POPDC1: variants seen among roughly 807,000 people sequenced by gnomAD.
The protein encoded by POPDC1 is popeye domain-containing protein 1.
At chr6:105,128,566 T>C in the POPDC1 span, among the ~76,000 whole-genome samples, 1 of 152,204 alleles carries the variant, frequency 6.6e-6, no homozygotes, top group Non-Finnish European at 1.5e-5. Context: ...TGGAAAAAAC[T>C]GAATATTACA....
chr6:105,098,011 C>T, the POPDC1 span: 2 of 152,116 alleles, frequency 1.3e-5, no homozygotes, highest in Non-Finnish European at 2.9e-5. Context: ...AAATATTACA[C>T]TCCAGATTCA....
At chr6:105,116,925 C>A in the POPDC1 span, 23 of 1,490,122 alleles carry the variant, frequency 1.5e-5, no homozygotes, top group Non-Finnish European at 2.1e-5. Flanking sequence ...TGAATTATGA[C>A]TATAGTGATT....
At chr6:105,115,626 G>C in the POPDC1 span, 1 of 1,566,972 alleles carries the variant, frequency 6.4e-7, no homozygotes, top group Non-Finnish European at 8.7e-7. Context: ...GTTGTCATTT[G>C]TCTATGTCCA....
At chr6:105,098,518 A>G in the POPDC1 span, 39 of 152,360 alleles carry the variant, frequency 2.6e-4, no homozygotes, top group South Asian at 2.1e-3. Flanking sequence ...TGTTCCCAGC[A>G]TTACAGAAAA....
the POPDC1 span, chr6:105,116,883 A>C: frequency 3.1e-6 from 5 of 1,608,296 alleles, no homozygotes; most frequent in Non-Finnish European, 3.4e-6. Context: ...CAAAGAAACA[A>C]GCATGCAAAG....
chr6:105,099,534 G>A, the POPDC1 span: 3 of 152,180 alleles, frequency 2.0e-5, no homozygotes, highest in Non-Finnish European at 4.4e-5. Flanking sequence ...TTCATTCAAC[G>A]GAGCGTCCTG....
the POPDC1 span, chr6:105,100,466 T>C: frequency 0.91 from 137,890 of 150,880 alleles, 63,228 homozygotes; most frequent in Non-Finnish European, 0.95. Context: ...GCTGAGAATG[T>C]GCCACTACAC....
the POPDC1 span, among the ~76,000 whole-genome samples, chr6:105,134,923 C>T: frequency 1.3e-5 from 2 of 151,842 alleles, no homozygotes; most frequent in East Asian, 3.9e-4. Context: ...ATCAGGATGG[C>T]GGGGGGGAAG....
At chr6:105,125,685 T>C in the POPDC1 span, 1 of 1,051,812 alleles carries the variant, frequency 9.5e-7, no homozygotes, top group Non-Finnish European at 1.4e-6. Context: ...CTTTGATATA[T>C]ACCATCACCC....
chr6:105,121,867 A>C, the POPDC1 span, among the ~76,000 whole-genome samples: 1 of 152,230 alleles, frequency 6.6e-6, no homozygotes, highest in African/African-American at 2.4e-5. Context: ...AATTTAAAGA[A>C]AGAGAAACTC....
the POPDC1 span, among the ~76,000 whole-genome samples, chr6:105,120,299 A>C: frequency 2.0e-5 from 3 of 151,098 alleles, 1 homozygote; most frequent in African/African-American, 7.3e-5. Flanking sequence ...AAAAAAAAAA[A>C]AAACATGGAT....
At chr6:105,115,701 T>G in the POPDC1 span, 1 of 1,614,160 alleles carries the variant, frequency 6.2e-7, no homozygotes, top group South Asian at 1.1e-5. Context: ...GAGGACATGC[T>G]GGAGGTACCC....
At chr6:105,133,300 A>G in the POPDC1 span, 1 of 1,447,446 alleles carries the variant, frequency 6.9e-7, no homozygotes. Flanking sequence ...TGTAAAGCCC[A>G]TCTTATGTCA....
chr6:105,124,125 G>C, the POPDC1 span, among the ~76,000 whole-genome samples: 1 of 152,136 alleles, frequency 6.6e-6, no homozygotes, highest in African/African-American at 2.4e-5. Context: ...GCTCATGCCT[G>C]TAATCCCAGC....
chr6:105,130,631 A>T, the POPDC1 span, among the ~76,000 whole-genome samples: 1 of 152,194 alleles, frequency 6.6e-6, no homozygotes, highest in Non-Finnish European at 1.5e-5. Flanking sequence ...TGTGAACATC[A>T]GAGACTATAC....
chr6:105,121,653 A>G, the POPDC1 span, among the ~76,000 whole-genome samples: 3 of 152,194 alleles, frequency 2.0e-5, no homozygotes, highest in Non-Finnish European at 2.9e-5. Flanking sequence ...CAAAATCACT[A>G]TAAGTACCTA....
chr6:105,101,334 C>T, the POPDC1 span: 11 of 1,075,570 alleles, frequency 1.0e-5, no homozygotes, highest in African/African-American at 1.6e-4. Flanking sequence ...ACTAGCAGCA[C>T]CAAGAACACA....
At chr6:105,125,330 C>T in the POPDC1 span, 6 of 1,564,162 alleles carry the variant, frequency 3.8e-6, no homozygotes, top group Non-Finnish European at 5.3e-6. Flanking sequence ...TCACTTCCTT[C>T]CCAGAGGCCA....
the POPDC1 span, among the ~76,000 whole-genome samples, chr6:105,131,333 A>G: frequency 6.6e-6 from 1 of 152,212 alleles, no homozygotes; most frequent in South Asian, 2.1e-4. Flanking sequence ...TAATGGGAGG[A>G]TAGAGAAAAA....
Sources: allele counts gnomAD v4.1 joint callset (sites outside exome capture counted in the v4.1 genomes callset), GRCh38; gene constraint gnomAD v4.1.1; transcripts MANE v1.5; gene names NCBI Gene and HGNC (gene_info 2026-07-23, HGNC 2026-07-21).